The following NIPBL variants were observed in gnomAD, a reference collection of about 807,000 sequenced individuals.
NIPBL encodes the protein nipped-B-like protein.
NIPBL carries 19 observed loss-of-function variants against 321.8 expected under a neutral mutation model. The observed-to-expected ratio is 0.06, with a 90% CI of 0.04 to 0.09. The LOEUF (loss-of-function observed/expected upper bound fraction) is 0.09. NIPBL is among the 10% of genes least tolerant of loss of function. The pLI is 1.00. For missense variants in NIPBL, 2,210 were observed against 3,327.0 expected (o/e 0.66, Z 8.26); for synonymous variants, 1,106 against 1,114.1 (o/e 0.99, Z 0.14).
rs780743561 is a variant in NIPBL at position 37,051,906 on chromosome 5, A to G, written c.7062+20A>G. On this transcript the variant is annotated intron_variant, in intron 41 of 46. Transcript: ENST00000282516. ...ATTCATGTATGTATTTTAACATTTT[A>G]TAACCTAAATTTAAACATTTTTCTT... 6.5e-6 allele frequency: 10 copies of G among 1,534,126 alleles called. No homozygotes were observed. In the African/African-American group the frequency reaches 1.2e-4, roughly 19 times the overall value.
chr5:36,952,051 TGTGCGCGC>T (rs1218508135), intron 1 of NIPBL, among the ~76,000 whole-genome samples: 260 of 102,874 alleles, frequency 2.5e-3, no homozygotes, highest in Admixed American at 8.4e-3. Context: ...TGTGTGTGTG[TGTGCGCGC>T]GCGCGCGCGC....
At chr5:36,906,583 C>T (rs1747657418) in intron 1 of NIPBL, among the ~76,000 whole-genome samples, 1 of 152,082 alleles carries the variant, frequency 6.6e-6, no homozygotes, top group Non-Finnish European at 1.5e-5. Flanking sequence ...TGTTAACTTG[C>T]AAAACGAAGT....
chr5:36,916,668 AG>A (rs1403652440), intron 1 of NIPBL, among the ~76,000 whole-genome samples: 37 of 149,104 alleles, frequency 2.5e-4, no homozygotes, highest in Non-Finnish European at 4.6e-4. Context: ...ACCCCACAAC[AG>A]GCCCCAGTGT....
At chr5:36,997,098 C>A (rs991761238) in intron 11 of NIPBL, 2 of 152,106 alleles carry the variant, frequency 1.3e-5, no homozygotes, top group African/African-American at 2.4e-5. Flanking sequence ...TTATTACAAT[C>A]AGATATTTTG....
intron 1 of NIPBL, among the ~76,000 whole-genome samples, chr5:36,904,624 G>T (rs1747490389): frequency 6.6e-6 from 1 of 152,166 alleles, no homozygotes. Flanking sequence ...ATCTCAGGAG[G>T]CTATAGTCTT....
chr5:36,886,364 G>T lies in NIPBL; in HGVS notation c.-80+9186G>T, dbSNP rs1745906983. The T allele has an allele frequency of 8.4e-6, 6 of 717,426 alleles. No individual in the cohort carries two copies. The Middle Eastern group carries it at 1.5e-3, about 180-fold the overall frequency. The allele number at this position is 717,426 out of a possible 1,614,324, so 44.4% of individuals were successfully genotyped here. On this transcript the variant is annotated intron_variant, in intron 1 of 46. Transcript: ENST00000282516. The stretch of plus-strand genomic sequence containing the variant: ...ACCTGCCACCGCCTGCTTGAAGATG[G>T]CAAGAACTTCAGTCTTGATGATGCC...
At chr5:36,941,040 G>A (rs1739006653) in intron 1 of NIPBL, among the ~76,000 whole-genome samples, 1 of 152,206 alleles carries the variant, frequency 6.6e-6, no homozygotes, top group Non-Finnish European at 1.5e-5. Flanking sequence ...TAGGTGTTAG[G>A]TATTAAGTGC....
intron 37 of NIPBL, among the ~76,000 whole-genome samples, chr5:37,045,880 T>G (rs965884621): frequency 6.6e-6 from 1 of 151,886 alleles, no homozygotes; most frequent in Non-Finnish European, 1.5e-5. Context: ...TTAAAAAAAA[T>G]TTTTTTCAAT....
In NIPBL at chr5:37,007,846, A is replaced by C. The variant is rs536649254; in HGVS notation, c.4240-162A>C. On this transcript the variant is annotated intron_variant, in intron 18 of 46. Transcript: ENST00000282516. ...TATATGCTAACGTGCTTTGAGGATG[A>C]AGGGAAACAGAGAAAAGAATAGATG... Among the ~76,000 whole-genome samples the C allele has an allele frequency of 5.9e-5, 9 of 152,162 alleles. No homozygotes were observed. In the South Asian group the frequency reaches 1.7e-3, roughly 28 times the overall value.
chr5:37,054,925 A>G (rs1156912644), intron 42 of NIPBL, among the ~76,000 whole-genome samples: 1 of 152,154 alleles, frequency 6.6e-6, no homozygotes, highest in Non-Finnish European at 1.5e-5. Flanking sequence ...AAAAAAAAAC[A>G]TTGTAAGTGT....
intron 32 of NIPBL, among the ~76,000 whole-genome samples, chr5:37,032,196 C>T (rs530088412): frequency 4.7e-4 from 71 of 151,954 alleles, no homozygotes; most frequent in African/African-American, 1.6e-3. Flanking sequence ...GGTGTAGGGA[C>T]TTGAGTTACA....
intron 12 of NIPBL, 97 bp downstream of exon 12, chr5:37,000,667 C>A: frequency 7.2e-7 from 1 of 1,380,118 alleles, no homozygotes; most frequent in Non-Finnish European, 1.0e-6. Context: ...GAGTTAATAA[C>A]TAATTTTCAA....
At chr5:36,889,915 GAAA>G (rs528508761) in intron 1 of NIPBL, among the ~76,000 whole-genome samples, 8 of 144,004 alleles carry the variant, frequency 5.6e-5, no homozygotes, top group Non-Finnish European at 1.1e-4. Context: ...GAACCAATGT[GAAA>G]AAAAAAACTA....
At chr5:37,027,614 T>G (rs1181917245) in intron 32 of NIPBL, among the ~76,000 whole-genome samples, 3 of 140,008 alleles carry the variant, frequency 2.1e-5, no homozygotes, top group East Asian at 2.0e-4. Context: ...TTTTTTTTTT[T>G]TTTTTTTTTT....
intron 1 of NIPBL, among the ~76,000 whole-genome samples, chr5:36,917,738 A>G (rs2149553531): frequency 6.6e-6 from 1 of 152,330 alleles, no homozygotes; most frequent in South Asian, 2.1e-4. Context: ...AACTTTCTAC[A>G]TATGGCTAGC....
intron 21 of NIPBL, among the ~76,000 whole-genome samples, chr5:37,011,033 A>C (rs1419885270): frequency 6.6e-6 from 1 of 152,224 alleles, no homozygotes; most frequent in Non-Finnish European, 1.5e-5. Context: ...ACATAGGATT[A>C]TAATTAACAT....
At chr5:36,929,691 T>C (rs1749633348) in intron 1 of NIPBL, among the ~76,000 whole-genome samples, 1 of 152,140 alleles carries the variant, frequency 6.6e-6, no homozygotes, top group Non-Finnish European at 1.5e-5. Flanking sequence ...TATTTTCCTT[T>C]AGATGGTTTA....
chr5:36,981,614 G>T (rs1193366167), intron 9 of NIPBL, among the ~76,000 whole-genome samples: 1 of 151,442 alleles, frequency 6.6e-6, no homozygotes, highest in Non-Finnish European at 1.5e-5. Context: ...ATCTTTCTTT[G>T]CTTCTGGGAT....
rs538183552 is a variant in NIPBL at position 36,985,236 on chromosome 5, A to G, written c.2056A>G (p.Asn686Asp). ...NRLSDTKPND[N>D]KQNNGRSETT... ...ACTGTCTGACACAAAACCAAATGAC[A>G]ACAAACAAAATAATGGCAGATCAGA... is the stretch of plus-strand genomic sequence containing the variant. Residue 686 changes from asparagine to aspartate, a missense_variant, in exon 10 of 47, where the codon AAC (asparagine) becomes GAC (aspartate). By Grantham distance (23) the Asn-to-Asp change is conservative. This residue lies in a region of NIPBL where 588 missense variants were observed against 564.1 expected (regional missense o/e 1.04). Coordinates refer to ENST00000282516, the MANE Select transcript of NIPBL (RefSeq NM_133433.4). 1 of 1,613,846 alleles carries G rather than the reference A, an allele frequency of 6.2e-7. No homozygotes were observed. The highest frequency in any genetic ancestry group is 1.3e-5 in the African/African-American group (1 of 75,018).
Sources: allele counts gnomAD v4.1 joint callset (sites outside exome capture counted in the v4.1 genomes callset), GRCh38; gene constraint gnomAD v4.1.1; regional missense constraint gnomAD v4.1.1; transcripts MANE v1.5; gene names NCBI Gene and HGNC (gene_info 2026-07-23, HGNC 2026-07-21).